The following COL19A1 variants were observed in gnomAD, a reference collection of about 807,000 sequenced individuals.
COL19A1 encodes collagen type XIX alpha 1 chain.
In COL19A1, 159 loss-of-function variants were observed where a neutral mutation model predicts 190.2. That is an observed-to-expected ratio of 0.84 (90% CI 0.73 to 0.95). COL19A1 has a LOEUF of 0.95. Among genes scored for constraint, COL19A1 ranks in the 40% least tolerant of loss-of-function variants. The pLI, the probability that COL19A1 is intolerant of heterozygous loss-of-function variation, is 0.00. For synonymous variants in COL19A1, 509 were observed against 458.9 expected (o/e 1.11, Z -1.39); for missense variants, 1,418 against 1,431.9 (o/e 0.99, Z 0.16).
At chr6:69,907,601 A>T (rs541726657) in intron 4 of COL19A1, among the ~76,000 whole-genome samples, 1 of 152,198 alleles carries the variant, frequency 6.6e-6, no homozygotes, top group Non-Finnish European at 1.5e-5. Flanking sequence ...TGTATTCTGC[A>T]TATTTTCCAA....
chr6:69,990,433 C>T (rs914579603), intron 11 of COL19A1, among the ~76,000 whole-genome samples: 8 of 151,944 alleles, frequency 5.3e-5, no homozygotes, highest in African/African-American at 1.7e-4. Flanking sequence ...TCATAATTTT[C>T]GTTAACAATT....
chr6:70,102,405 C>T (rs567616434), intron 16 of COL19A1, among the ~76,000 whole-genome samples, 183 bp downstream of exon 16: 2 of 152,292 alleles, frequency 1.3e-5, no homozygotes, highest in East Asian at 3.9e-4. Flanking sequence ...ATCATCACCA[C>T]AAACCAAGAG....
intron 3 of COL19A1, 22 bp from the exon 4 acceptor site, chr6:69,900,217 A>C: frequency 7.1e-7 from 1 of 1,411,220 alleles, no homozygotes; most frequent in East Asian, 2.4e-5. Context: ...TATTAAATTG[A>C]ATCATCTGTT....
intron 14 of COL19A1, among the ~76,000 whole-genome samples, chr6:70,065,934 G>A (rs1781164990): frequency 6.6e-6 from 1 of 152,072 alleles, no homozygotes; most frequent in Non-Finnish European, 1.5e-5. Flanking sequence ...AGTTAGAATG[G>A]CAATCATTAA....
chr6:69,970,532 T>G (rs2150054428), intron 11 of COL19A1, among the ~76,000 whole-genome samples: 1 of 152,142 alleles, frequency 6.6e-6, no homozygotes, highest in Middle Eastern at 3.4e-3. Flanking sequence ...AAGTTGAAAT[T>G]TTTTTTTAGG....
chr6:69,955,721 A>T (rs2150039830), intron 9 of COL19A1, among the ~76,000 whole-genome samples: 1 of 151,804 alleles, frequency 6.6e-6, no homozygotes, highest in South Asian at 2.1e-4. Flanking sequence ...GTATTAAGAG[A>T]CTCCAAACTA....
At chr6:70,106,204 C>G (rs1020089377) in intron 16 of COL19A1, among the ~76,000 whole-genome samples, 1 of 152,040 alleles carries the variant, frequency 6.6e-6, no homozygotes, top group Non-Finnish European at 1.5e-5. Flanking sequence ...GTGTTTTAAC[C>G]AGTCCTTCTA....
chr6:70,093,977 C>T (rs1045915157), intron 15 of COL19A1, among the ~76,000 whole-genome samples: 1 of 152,144 alleles, frequency 6.6e-6, no homozygotes, highest in Non-Finnish European at 1.5e-5. Context: ...AGCTCTGAAC[C>T]TATTTCAAGT....
chr6:70,092,904 C>T (rs896959550), intron 15 of COL19A1, among the ~76,000 whole-genome samples: 1 of 152,128 alleles, frequency 6.6e-6, no homozygotes, highest in Admixed American at 6.6e-5. Flanking sequence ...TGATGCTGAG[C>T]TTGTTCCTGT....
At chr6:70,121,442 A>G (rs1341321884) in intron 16 of COL19A1, among the ~76,000 whole-genome samples, 2 of 152,374 alleles carry the variant, frequency 1.3e-5, no homozygotes, top group Admixed American at 6.5e-5. Flanking sequence ...TCAAAAAAGT[A>G]AAGCAATAGA....
chr6:70,147,154 A>T (rs1346958826), intron 27 of COL19A1, among the ~76,000 whole-genome samples: 2 of 152,202 alleles, frequency 1.3e-5, no homozygotes, highest in Non-Finnish European at 2.9e-5. Flanking sequence ...CCTCTATTCT[A>T]TATATTAAAA....
At chr6:69,922,864 C>T (rs1772082553) in intron 4 of COL19A1, among the ~76,000 whole-genome samples, 1 of 152,112 alleles carries the variant, frequency 6.6e-6, no homozygotes, top group Non-Finnish European at 1.5e-5. Flanking sequence ...GGATCACTCA[C>T]TCATTCAACA....
chr6:69,883,957 A>T (rs1264381302), intron 2 of COL19A1, among the ~76,000 whole-genome samples: 16 of 44,438 alleles, frequency 3.6e-4, no homozygotes, highest in Admixed American at 2.6e-3. Flanking sequence ...GAATAATAAT[A>T]AAAAAAAAGT....
At chr6:69,980,031 T>A (rs954874648) in intron 11 of COL19A1, among the ~76,000 whole-genome samples, 4 of 151,994 alleles carry the variant, frequency 2.6e-5, no homozygotes, top group Non-Finnish European at 4.4e-5. Context: ...AATTCCAACA[T>A]GTTTTAAATT....
rs1340173082 is a variant in COL19A1 at position 69,896,461 on chromosome 6, C to CG, written c.92-2484dup. ...CTGAGGCAGGAGAATGGCGTGAACC[C>CG]GGGAGGCGGAGCTTGCAGTGAGCCG... is the stretch of plus-strand genomic sequence containing the variant. On this transcript the variant is annotated intron_variant, in intron 2 of 50. Coordinates refer to ENST00000620364, the MANE Select transcript of COL19A1 (RefSeq NM_001858.6). Among the ~76,000 whole-genome samples, 4 of 146,706 alleles carry CG rather than the reference C, an allele frequency of 2.7e-5. No individual in the cohort carries two copies. In the East Asian group the frequency reaches 7.9e-4, roughly 29 times the overall value.
At chr6:70,202,888 C>G (rs1562267989) in intron 49 of COL19A1, among the ~76,000 whole-genome samples, 1 of 152,142 alleles carries the variant, frequency 6.6e-6, no homozygotes, top group South Asian at 2.1e-4. Flanking sequence ...CATTTCCAGA[C>G]AGCTTTTAGA....
At chr6:69,890,500 G>A (rs1561967501) in intron 2 of COL19A1, 1 of 152,058 alleles carries the variant, frequency 6.6e-6, no homozygotes, top group Non-Finnish European at 1.5e-5. Context: ...TCCATTTTCA[G>A]TGTCATCTCT....
chr6:70,094,164 A>T (rs1335021960), intron 15 of COL19A1, among the ~76,000 whole-genome samples: 2 of 152,208 alleles, frequency 1.3e-5, no homozygotes, highest in Non-Finnish European at 2.9e-5. Flanking sequence ...TAAGTATTCC[A>T]TTCTCATTTT....
chr6:70,062,148 C>T (rs1780875193), intron 14 of COL19A1, among the ~76,000 whole-genome samples: 1 of 151,636 alleles, frequency 6.6e-6, no homozygotes. Context: ...GTGATAAATA[C>T]ATAAATTTCA....
Sources: allele counts gnomAD v4.1 joint callset (sites outside exome capture counted in the v4.1 genomes callset), GRCh38; gene constraint gnomAD v4.1.1; transcripts MANE v1.5; gene names NCBI Gene and HGNC (gene_info 2026-07-23, HGNC 2026-07-21).